Variants in TMEM185A observed in about 807,000 individuals in gnomAD.
The protein encoded by TMEM185A is transmembrane protein 185A.
TMEM185A carries 9 observed loss-of-function variants against 25.0 expected under a neutral mutation model. The ratio of observed to expected loss-of-function variants is 0.36; its 90% confidence interval spans 0.22 to 0.63. The LOEUF is 0.63. TMEM185A is among the 20% of genes least tolerant of loss of function. The probability of loss-of-function intolerance (pLI) is 0.68; values close to 1 mark genes in which losing one functional copy is unlikely to be tolerated. For missense variants in TMEM185A, 103 were observed against 237.4 expected (o/e 0.43, Z 3.72); for synonymous variants, 45 against 93.5 (o/e 0.48, Z 2.99).
intron 2 of TMEM185A, 89 bp downstream of exon 2, chrX:149,611,198 A>G: frequency 1.1e-6 from 1 of 883,144 alleles, no homozygotes; most frequent in Non-Finnish European, 1.6e-6. Flanking sequence ...GGTAGAAAAT[A>G]AAATGGTCCT....
At chrX:149,618,117 G>A (rs1602875512) in intron 1 of TMEM185A, among the ~76,000 whole-genome samples, 2 of 111,249 alleles carry the variant, frequency 1.8e-5, no homozygotes, top group Admixed American at 9.5e-5. Context: ...ATACTATACC[G>A]GCTTTACACT....
At chrX:149,608,379 G>T in intron 3 of TMEM185A, 1 of 264,904 alleles carries the variant, frequency 3.8e-6, no homozygotes. Flanking sequence ...CACCCAGGCT[G>T]GAGTGCAATG....
chrX:149,630,182 G>A lies in TMEM185A; in HGVS notation c.38+1361C>T, dbSNP rs782141795. On this transcript the variant is annotated intron_variant, in intron 1 of 6. Transcript: ENST00000600449. Reference sequence around the variant, plus strand: ...AGCCAACAATGATAATGTCTGCACCGTGTTAGAGACACTGGCACTCCTAAC... The same window carrying A: ...AGCCAACAATGATAATGTCTGCACCATGTTAGAGACACTGGCACTCCTAAC... 3.6e-5 allele frequency among the ~76,000 whole-genome samples: 4 copies of A among 111,606 alleles called. No individual in the cohort carries two copies. In the Admixed American group the frequency reaches 3.8e-4, roughly 11 times the overall value.
chrX:149,609,202 T>C (rs2090068740), intron 2 of TMEM185A, among the ~76,000 whole-genome samples: 1 of 112,647 alleles, frequency 8.9e-6, no homozygotes, highest in Non-Finnish European at 1.9e-5. Flanking sequence ...TTCAAGCTGA[T>C]TTGCTTCTGC....
At chrX:149,624,360 G>C (rs1557355821) in intron 1 of TMEM185A, among the ~76,000 whole-genome samples, 1 of 112,222 alleles carries the variant, frequency 8.9e-6, no homozygotes, top group Non-Finnish European at 1.9e-5. Flanking sequence ...AGGGAGAAAA[G>C]GAAGAAGGGA....
intron 1 of TMEM185A, among the ~76,000 whole-genome samples, chrX:149,627,620 T>C (rs1261033789): frequency 8.9e-6 from 1 of 112,277 alleles, no homozygotes; most frequent in Non-Finnish European, 1.9e-5. Flanking sequence ...ATTTCCACTA[T>C]AGACTCTTCC....
At chrX:149,608,075 TC>T (rs2124209010) in intron 3 of TMEM185A, among the ~76,000 whole-genome samples, 1 of 112,216 alleles carries the variant, frequency 8.9e-6, no homozygotes, top group East Asian at 2.8e-4. Context: ...TCCTTAACTC[TC>T]TTTATACATA....
chrX:149,631,735 T>TCGC lies in TMEM185A; in HGVS notation c.-158_-156dup. 4,793 of 334,731 alleles carry TCGC rather than the reference T, an allele frequency of 0.014. 119 individuals are homozygous for TCGC. The highest frequency in any genetic ancestry group is 0.031 in the Admixed American group (452 of 14,647). The allele number at this position is 334,731 out of a possible 1,213,427, so 27.6% of individuals were successfully genotyped here. A position where few individuals can be genotyped will look rare whatever the true frequency, so the allele number is the denominator to read the frequency against. On this transcript the variant is annotated 5_prime_UTR_variant, in exon 1 of 7. Transcript: ENST00000600449. ...GTCCCCGCTGCCGTCGCCGTCGCCG[T>TCGC]CGCCGCCGCCGCCGCCGCCGCCGCC...
At chrX:149,619,236 A>G (rs1303264991) in intron 1 of TMEM185A, among the ~76,000 whole-genome samples, 1 of 111,973 alleles carries the variant, frequency 8.9e-6, no homozygotes, top group African/African-American at 3.2e-5. Flanking sequence ...ATGTTGACAC[A>G]TTTCATATAC....
intron 1 of TMEM185A, among the ~76,000 whole-genome samples, chrX:149,618,020 A>G (rs781792886): frequency 8.9e-6 from 1 of 112,037 alleles, no homozygotes; most frequent in African/African-American, 3.2e-5. Flanking sequence ...GATAAGGAAC[A>G]GAAAGCTCAG....
At position 149,607,403 on chromosome X, in the gene TMEM185A, G is replaced by A. The variant is rs1419104814; in HGVS notation, c.423+1224C>T. ...TATGTAGTTATGTGCCCGGGCTTTAGAGTCGGGCTGACTCAAACGGAATCC... is the reference window on the plus strand; with the variant it reads ...TATGTAGTTATGTGCCCGGGCTTTAAAGTCGGGCTGACTCAAACGGAATCC... On this transcript the variant is annotated intron_variant, in intron 3 of 6. Transcript: ENST00000600449. 3.6e-5 allele frequency among the ~76,000 whole-genome samples: 4 copies of A among 112,164 alleles called. No homozygotes were observed. In the East Asian group the frequency reaches 8.4e-4, roughly 23 times the overall value.
chrX:149,629,631 T>C (rs1190213013), intron 1 of TMEM185A, among the ~76,000 whole-genome samples: 2 of 112,446 alleles, frequency 1.8e-5, no homozygotes, highest in African/African-American at 6.5e-5. Context: ...TTAATGCAGG[T>C]AGAATTAAGA....
chrX:149,619,374 G>T (rs1483415483), intron 1 of TMEM185A, among the ~76,000 whole-genome samples: 1 of 111,911 alleles, frequency 8.9e-6, no homozygotes, highest in South Asian at 3.7e-4. Context: ...TCCCATGAAA[G>T]ATCAAATTTT....
Position 149,611,323 on chromosome X carries a change from A to C in TMEM185A, c.179T>G (p.Val60Gly), listed in dbSNP as rs1487859272. The C allele has an allele frequency of 8.3e-7, 1 of 1,208,994 alleles. No homozygotes were observed. The highest frequency in any genetic ancestry group is 1.1e-6 in the Non-Finnish European group (1 of 894,983). ...WKLMVIVGAS[V>G]GTGVWARNPQ... ...ATTTCGTGCCCAGACTCCAGTTCCAACTGAGGCTCCAACAATGACCATTAA... is the reference window on the plus strand; with the variant it reads ...ATTTCGTGCCCAGACTCCAGTTCCACCTGAGGCTCCAACAATGACCATTAA... Residue 60 changes from valine to glycine, a missense_variant, in exon 2 of 7, where the codon GTT (valine) becomes GGT (glycine). Physicochemically the swap from Val to Gly is moderately radical, Grantham distance 109. Coordinates refer to ENST00000600449, the MANE Select transcript of TMEM185A (RefSeq NM_032508.4).
intron 3 of TMEM185A, among the ~76,000 whole-genome samples, chrX:149,605,910 T>C (rs905285752): frequency 3.6e-5 from 4 of 111,800 alleles, no homozygotes; most frequent in Non-Finnish European, 7.5e-5. Flanking sequence ...TTCCCAAAAG[T>C]TCTCAGTACA....
At chrX:149,613,069 T>G (rs1303422489) in intron 1 of TMEM185A, among the ~76,000 whole-genome samples, 1 of 111,994 alleles carries the variant, frequency 8.9e-6, no homozygotes, top group Non-Finnish European at 1.9e-5. Flanking sequence ...CTCCCTATTT[T>G]AAGGTCCATA....
chrX:149,629,550 C>T lies in TMEM185A; in HGVS notation c.38+1993G>A, dbSNP rs184461998. ...TCTGTAAAATTAAGGAACTCACTAC[C>T]TCTGGCAACAATGAATCAGGAAAAT... On this transcript the variant is annotated intron_variant, in intron 1 of 6. Transcript: ENST00000600449. Among the ~76,000 whole-genome samples the T allele has an allele frequency of 1.2e-4, 14 of 112,229 alleles. No individual in the cohort carries two copies. The East Asian group carries it at 3.9e-3, about 31-fold the overall frequency.
chrX:149,620,044 G>A (rs2124229255), intron 1 of TMEM185A, among the ~76,000 whole-genome samples: 1 of 111,616 alleles, frequency 9.0e-6, no homozygotes, highest in East Asian at 2.8e-4. Context: ...TGGTGGGACT[G>A]TAAACTAGTT....
chrX:149,630,546 G>A (rs1272165721), intron 1 of TMEM185A, among the ~76,000 whole-genome samples: 1 of 112,176 alleles, frequency 8.9e-6, no homozygotes, highest in Non-Finnish European at 1.9e-5. Context: ...ACTCCTTTCG[G>A]AGAGTAGTGC....
Sources: gnomAD v4.1 joint callset for allele counts (sites outside exome capture counted in the v4.1 genomes callset) on GRCh38, gnomAD v4.1.1 for gene constraint, MANE v1.5 for transcripts, NCBI Gene and HGNC (gene_info 2026-07-23, HGNC 2026-07-21) for gene names.